SYNE2: variants seen among roughly 807,000 people sequenced by gnomAD.
SYNE2 encodes the protein nesprin-2.
SYNE2 carries 431 observed loss-of-function variants against 856.3 expected under a neutral mutation model. That is an observed-to-expected ratio of 0.50 (90% CI 0.47 to 0.55). The LOEUF (loss-of-function observed/expected upper bound fraction) is 0.55, where lower values mean the gene tolerates loss of function less well. Among genes scored for constraint, SYNE2 ranks in the 20% least tolerant of loss-of-function variants. The probability of loss-of-function intolerance (pLI) is 0.00; values close to 1 mark genes in which losing one functional copy is unlikely to be tolerated. For missense variants in SYNE2, 8,129 were observed against 8,023.2 expected (o/e 1.01, Z -0.50); for synonymous variants, 2,923 against 2,872.3 (o/e 1.02, Z -0.56).
At chr14:64,019,895 C>A in intron 34 of SYNE2, 97 bp from the exon 35 acceptor site, 1 of 828,424 alleles carries the variant, frequency 1.2e-6, no homozygotes, top group Non-Finnish European at 2.0e-6. Flanking sequence ...AATTCAAGGG[C>A]TCTCTCAGTT....
intron 57 of SYNE2, among the ~76,000 whole-genome samples, chr14:64,085,590 A>G (rs1320906630): frequency 1.3e-5 from 2 of 152,280 alleles, no homozygotes; most frequent in African/African-American, 4.8e-5. Flanking sequence ...TAATAAACTG[A>G]GAAATTGTTT....
In SYNE2 at chr14:64,141,922, A is replaced by C. The variant is rs749943579; in HGVS notation, c.15160-20A>C. The C allele has an allele frequency of 6.2e-7, 1 of 1,613,370 alleles. No homozygotes were observed. The highest frequency in any genetic ancestry group is 1.3e-5 in the African/African-American group (1 of 74,890). ...TTGTTAACTGCAGGCAATTAAATGG[A>C]AATCATTTTGTTCTTACAGCTTCAA... On this transcript the variant is annotated intron_variant, in intron 81 of 115. Transcript: ENST00000555002.
At chr14:63,849,498 C>A (rs1890335775), upstream of SYNE2, among the ~76,000 whole-genome samples, 3 of 152,104 alleles carry the variant, frequency 2.0e-5, no homozygotes, top group Admixed American at 6.5e-5. Flanking sequence ...CCTTCTGTGC[C>A]CATGACAGAG....
chr14:64,036,669 C>A (rs2097092969), intron 45 of SYNE2, among the ~76,000 whole-genome samples: 1 of 152,134 alleles, frequency 6.6e-6, no homozygotes, highest in Admixed American at 6.5e-5. Context: ...CCATTTTACT[C>A]TATAACCCAC....
chr14:63,877,777 G>C (rs1416214748), intron 1 of SYNE2, among the ~76,000 whole-genome samples: 2 of 151,854 alleles, frequency 1.3e-5, no homozygotes, highest in Admixed American at 1.3e-4. Flanking sequence ...CTGTGTCTGT[G>C]TCTTTTTTCC....
upstream of SYNE2, among the ~76,000 whole-genome samples, chr14:63,851,983 G>GT (rs1566608978): frequency 1.1e-4 from 1 of 9,306 alleles, no homozygotes; most frequent in Non-Finnish European, 3.8e-4. Context: ...AGCGGGGGGG[G>GT]GGGGGGGGGG....
intron 25 of SYNE2, among the ~76,000 whole-genome samples, 162 bp from the exon 26 acceptor site, chr14:63,998,057 G>A (rs1336500298): frequency 6.6e-6 from 1 of 152,140 alleles, no homozygotes; most frequent in Non-Finnish European, 1.5e-5. Flanking sequence ...TCTGTCCTAC[G>A]GAAAGACTTT....
intron 11 of SYNE2, among the ~76,000 whole-genome samples, chr14:63,971,563 T>G (rs903761333): frequency 2.0e-5 from 3 of 151,864 alleles, no homozygotes; most frequent in Non-Finnish European, 2.9e-5. Context: ...CTTAAAATCC[T>G]CAGGACCATG....
At chr14:63,856,734 T>C (rs1891843135) in intron 1 of SYNE2, among the ~76,000 whole-genome samples, 1 of 152,196 alleles carries the variant, frequency 6.6e-6, no homozygotes, top group Admixed American at 6.6e-5. Context: ...TTTCCTACTT[T>C]CATCAAATAA....
chr14:64,020,541 G>T (rs893824414), intron 35 of SYNE2, among the ~76,000 whole-genome samples: 16 of 152,146 alleles, frequency 1.1e-4, no homozygotes, highest in Non-Finnish European at 1.5e-5. Flanking sequence ...TAGCGTCAAT[G>T]ATATTATATT....
intron 12 of SYNE2, 47 bp from the exon 13 acceptor site, chr14:63,977,858 G>T: frequency 7.8e-7 from 1 of 1,289,602 alleles, no homozygotes; most frequent in Admixed American, 1.7e-5. Flanking sequence ...CTTAATTACA[G>T]TGTTTGGCAA....
Position 64,090,784 on chromosome 14 carries a change from T to G in SYNE2, c.11794-82T>G. ...AAAATGCAAACTATAAAAACTATAC[T>G]GTATTTTAATTTTGAATAATTAAAT... On this transcript the variant is annotated intron_variant, in intron 59 of 115. Coordinates refer to ENST00000555002, the MANE Select transcript of SYNE2 (RefSeq NM_182914.3). The G allele has an allele frequency of 7.2e-6, 9 of 1,253,228 alleles. No homozygotes were observed. In the South Asian group the frequency reaches 1.1e-4, roughly 15 times the overall value. The allele number at this position is 1,253,228 out of a possible 1,614,324, so 77.6% of individuals were successfully genotyped here. A position where few individuals can be genotyped will look rare whatever the true frequency, so the allele number is the denominator to read the frequency against.
chr14:64,089,571 T>C lies in SYNE2; in HGVS notation c.11671-3T>C, dbSNP rs751608961. The C allele has an allele frequency of 6.2e-7, 1 of 1,608,716 alleles. No homozygotes were observed. Among genetic ancestry groups the C allele is most frequent in the Admixed American group, 1.7e-5 (1 of 59,866 alleles). Reference sequence around the variant, plus strand: ...GCATCAGTGTGTTCTTCTGAAATTCTAGGATGTGGTTGCTATTGAATCTGA... The same window carrying C: ...GCATCAGTGTGTTCTTCTGAAATTCCAGGATGTGGTTGCTATTGAATCTGA... On this transcript the variant is annotated splice_polypyrimidine_tract_variant and splice_region_variant and intron_variant, in intron 58 of 115. Coordinates refer to ENST00000555002, the MANE Select transcript of SYNE2 (RefSeq NM_182914.3).
At chr14:64,154,704 G>A (rs1424919870) in intron 85 of SYNE2, among the ~76,000 whole-genome samples, 1 of 150,268 alleles carries the variant, frequency 6.7e-6, no homozygotes, top group Non-Finnish European at 1.5e-5. Context: ...GAGGCACGAG[G>A]ATCACCTGAG....
At chr14:64,222,478 G>T (rs2098699060) in intron 112 of SYNE2, among the ~76,000 whole-genome samples, 1 of 152,206 alleles carries the variant, frequency 6.6e-6, no homozygotes, top group Non-Finnish European at 1.5e-5. Flanking sequence ...CCTGAGACGG[G>T]CGGATCGCCT....
intron 94 of SYNE2, among the ~76,000 whole-genome samples, chr14:64,170,954 A>T: frequency 6.6e-6 from 1 of 150,620 alleles, no homozygotes; most frequent in South Asian, 2.1e-4. Context: ...TAAATAACTT[A>T]AGGAGTGTAA....
chr14:63,858,666 T>C (rs1892609511), intron 1 of SYNE2, among the ~76,000 whole-genome samples: 1 of 152,156 alleles, frequency 6.6e-6, no homozygotes, highest in Non-Finnish European at 1.5e-5. Flanking sequence ...ACCTATCACC[T>C]GATAAAAGTT....
chr14:64,106,458 G>A lies in SYNE2; in HGVS notation c.12493-1033G>A, dbSNP rs2097772222. Among the ~76,000 whole-genome samples, 3 of 152,158 alleles carry A rather than the reference G, an allele frequency of 2.0e-5. No individual in the cohort carries two copies. The South Asian group carries it at 6.2e-4, about 32-fold the overall frequency. On this transcript the variant is annotated intron_variant, in intron 64 of 115. Coordinates refer to ENST00000555002, the MANE Select transcript of SYNE2 (RefSeq NM_182914.3). ...AGGTCAGGAGATCAAGATCATCCTGGCTAAAACGGTGAAACCCCATCTCTA... is the reference window on the plus strand; with the variant it reads ...AGGTCAGGAGATCAAGATCATCCTGACTAAAACGGTGAAACCCCATCTCTA...
At chr14:63,896,771 TAA>T (rs2095259696) in intron 1 of SYNE2, among the ~76,000 whole-genome samples, 1 of 152,228 alleles carries the variant, frequency 6.6e-6, no homozygotes, top group Non-Finnish European at 1.5e-5. Flanking sequence ...GTTAAAATTT[TAA>T]AGAGTTAATA....
Sources: gnomAD v4.1 joint callset for allele counts (sites outside exome capture counted in the v4.1 genomes callset) on GRCh38, gnomAD v4.1.1 for gene constraint, MANE v1.5 for transcripts, NCBI Gene and HGNC (gene_info 2026-07-23, HGNC 2026-07-21) for gene names.